Variants in ATXN7L1 observed in about 807,000 individuals in gnomAD.
ATXN7L1 encodes ataxin 7 like 1.
In ATXN7L1, 15 loss-of-function variants were observed where a neutral mutation model predicts 70.8. The ratio of observed to expected loss-of-function variants is 0.21; its 90% confidence interval spans 0.14 to 0.33. ATXN7L1 has a LOEUF of 0.33. Ranked by LOEUF, ATXN7L1 falls within the 10% of genes least tolerant of loss-of-function variation. The probability of loss-of-function intolerance (pLI) is 1.00; values close to 1 mark genes in which losing one functional copy is unlikely to be tolerated. For missense variants in ATXN7L1, 975 were observed against 1,097.1 expected, an observed-to-expected ratio of 0.89 and a Z score of 1.57; for synonymous variants, 440 against 445.1, an observed-to-expected ratio of 0.99 and a Z score of 0.14.
intron 3 of ATXN7L1, among the ~76,000 whole-genome samples, chr7:105,766,006 A>G (rs375065264): frequency 1.3e-4 from 20 of 151,944 alleles, no homozygotes; most frequent in African/African-American, 3.9e-4. Flanking sequence ...GAAGAATGTG[A>G]CCTATGGCCA....
intron 4 of ATXN7L1, among the ~76,000 whole-genome samples, chr7:105,658,381 C>A (rs115087067): frequency 0.011 from 1,717 of 152,218 alleles, 40 homozygotes; most frequent in African/African-American, 0.038. Flanking sequence ...TGTGACTGTA[C>A]TGAATACTGT....
At chr7:105,749,698 A>C (rs553966388) in intron 3 of ATXN7L1, among the ~76,000 whole-genome samples, 46 of 151,974 alleles carry the variant, frequency 3.0e-4, no homozygotes, top group African/African-American at 1.1e-3. Context: ...TTGGATATTA[A>C]AGAAAGTAGT....
intron 3 of ATXN7L1, among the ~76,000 whole-genome samples, chr7:105,709,283 G>A (rs1190417340): frequency 1.3e-5 from 2 of 152,122 alleles, no homozygotes; most frequent in African/African-American, 2.4e-5. Flanking sequence ...GCAGTGAGCC[G>A]AGATAGTGCC....
chr7:105,636,124 G>A (rs1797317808), intron 7 of ATXN7L1, among the ~76,000 whole-genome samples: 2 of 152,150 alleles, frequency 1.3e-5, no homozygotes, highest in Admixed American at 1.3e-4. Flanking sequence ...GCCGGGTATG[G>A]TGGCTCATGC....
chr7:105,758,111 T>C (rs1800036015), intron 3 of ATXN7L1, among the ~76,000 whole-genome samples: 1 of 152,106 alleles, frequency 6.6e-6, no homozygotes, highest in Non-Finnish European at 1.5e-5. Context: ...ACTGCTCTCT[T>C]CTTGAGGTTT....
intron 3 of ATXN7L1, among the ~76,000 whole-genome samples, chr7:105,688,612 C>A (rs1238862166): frequency 6.6e-6 from 1 of 152,186 alleles, no homozygotes; most frequent in Non-Finnish European, 1.5e-5. Context: ...CTCTCTCTCT[C>A]TACCTTATGC....
chr7:105,656,635 A>T (rs1470636195), intron 4 of ATXN7L1, among the ~76,000 whole-genome samples: 1 of 141,338 alleles, frequency 7.1e-6, no homozygotes, highest in East Asian at 2.1e-4. Flanking sequence ...CAGTGGTGTG[A>T]TCTTGGCTCA....
intron 3 of ATXN7L1, chr7:105,760,550 C>T (rs1275855637): frequency 4.1e-6 from 4 of 985,764 alleles, no homozygotes; most frequent in African/African-American, 3.5e-5. Flanking sequence ...CCAGCTATCA[C>T]GTATTAACTG....
chr7:105,706,191 T>C (rs1438881534), intron 3 of ATXN7L1, among the ~76,000 whole-genome samples: 4 of 152,050 alleles, frequency 2.6e-5, no homozygotes, highest in African/African-American at 9.7e-5. Context: ...TTTTTGTTTT[T>C]GTTTTTGTCT....
chr7:105,727,199 G>A (rs914931806), intron 3 of ATXN7L1, among the ~76,000 whole-genome samples: 4 of 152,244 alleles, frequency 2.6e-5, no homozygotes, highest in East Asian at 3.9e-4. Context: ...ATGCACAAGA[G>A]TGTTCACTAG....
chr7:105,777,070 C>T (rs897902118), intron 3 of ATXN7L1, among the ~76,000 whole-genome samples: 2 of 152,194 alleles, frequency 1.3e-5, no homozygotes, highest in African/African-American at 2.4e-5. Flanking sequence ...AGGAAAAGTG[C>T]TCCCTGGTGG....
chr7:105,673,546 G>A (rs1349555358), intron 3 of ATXN7L1, among the ~76,000 whole-genome samples: 10 of 152,326 alleles, frequency 6.6e-5, no homozygotes, highest in East Asian at 1.9e-4. Context: ...GTCATTAGCC[G>A]GTTTCTATCT....
chr7:105,742,512 A>G (rs1010561), intron 3 of ATXN7L1, among the ~76,000 whole-genome samples: 22 of 152,240 alleles, frequency 1.4e-4, no homozygotes, highest in Admixed American at 3.9e-4. Flanking sequence ...TGAGTGAGAC[A>G]CATAAAGGTA....
intron 2 of ATXN7L1, among the ~76,000 whole-genome samples, chr7:105,873,323 T>C (rs1408744740): frequency 1.3e-5 from 2 of 152,222 alleles, no homozygotes; most frequent in Non-Finnish European, 2.9e-5. Flanking sequence ...TCATGGACAA[T>C]CTACATACAT....
At chr7:105,637,390 T>TA (rs1797547964) in intron 7 of ATXN7L1, among the ~76,000 whole-genome samples, 1 of 152,236 alleles carries the variant, frequency 6.6e-6, no homozygotes, top group South Asian at 2.1e-4. Flanking sequence ...ACTGTATGCA[T>TA]AAAAAACATC....
intron 3 of ATXN7L1, among the ~76,000 whole-genome samples, chr7:105,778,510 CAAAAAAAAAA>C (rs745820046): frequency 1.5e-4 from 5 of 34,162 alleles, no homozygotes; most frequent in African/African-American, 6.1e-4. Flanking sequence ...GACCCTATCT[CAAAAAAAAAA>C]AAAAAAAAAA....
chr7:105,639,815 G>A (rs192826212), intron 5 of ATXN7L1, among the ~76,000 whole-genome samples: 1 of 152,312 alleles, frequency 6.6e-6, no homozygotes, highest in Non-Finnish European at 1.5e-5. Context: ...CAGCACCGCC[G>A]AACGCAGCAC....
At position 105,840,953 on chromosome 7, in the gene ATXN7L1, C is replaced by T. The variant is rs574464504; in HGVS notation, c.250+34859G>A. On this transcript the variant is annotated intron_variant, in intron 2 of 11. Coordinates refer to ENST00000419735, the MANE Select transcript of ATXN7L1 (RefSeq NM_020725.2). Reference sequence around the variant, plus strand: ...TTTCCTGTGTCCAGAGAAATCTGGACATAAGACAATCCTAATGTCCTTGGT... The same window carrying T: ...TTTCCTGTGTCCAGAGAAATCTGGATATAAGACAATCCTAATGTCCTTGGT... Among the ~76,000 whole-genome samples, 5 of 152,304 alleles carry T rather than the reference C, an allele frequency of 3.3e-5. No individual in the cohort carries two copies. In the South Asian group the frequency reaches 1.0e-3, roughly 32 times the overall value.
At chr7:105,650,289 C>T (rs922150202) in intron 4 of ATXN7L1, among the ~76,000 whole-genome samples, 24 of 152,072 alleles carry the variant, frequency 1.6e-4, no homozygotes, top group South Asian at 4.1e-4. Flanking sequence ...GGTATTTTTG[C>T]GGTGTGTCTG....
Sources: gnomAD v4.1 joint callset for allele counts (sites outside exome capture counted in the v4.1 genomes callset) on GRCh38, gnomAD v4.1.1 for gene constraint, MANE v1.5 for transcripts, NCBI Gene and HGNC (gene_info 2026-07-23, HGNC 2026-07-21) for gene names.